FUT8: variants seen among roughly 807,000 people sequenced by gnomAD.
The protein encoded by FUT8 is fucosyltransferase 8.
In FUT8, 29 loss-of-function variants were observed where a neutral mutation model predicts 71.3. That is an observed-to-expected ratio of 0.41 (90% CI 0.30 to 0.55). The LOEUF is 0.55. Ranked by LOEUF, FUT8 falls within the 20% of genes least tolerant of loss-of-function variation. The pLI is 0.34. For synonymous variants in FUT8, 254 were observed against 239.3 expected (o/e 1.06, Z -0.57); for missense variants, 544 against 702.1 (o/e 0.77, Z 2.55).
rs562511715 is a variant in FUT8 at position 65,716,329 on chromosome 14, A to G, written c.836-5446A>G. ...GAGTGCATATATATTTATAATTATT[A>G]TATCTTCTTGATGAATTGATCCCTT... is the stretch of plus-strand genomic sequence containing the variant. On this transcript the variant is annotated intron_variant, in intron 7 of 10. Coordinates refer to ENST00000673929, the MANE Select transcript of FUT8 (RefSeq NM_001371533.1). Among the ~76,000 whole-genome samples, 3 of 146,170 alleles carry G rather than the reference A, an allele frequency of 2.1e-5. No individual in the cohort carries two copies. In the South Asian group the frequency reaches 6.4e-4, roughly 31 times the overall value.
At chr14:65,517,877 A>G (rs1324717481) in intron 2 of FUT8, among the ~76,000 whole-genome samples, 1 of 152,210 alleles carries the variant, frequency 6.6e-6, no homozygotes, top group Non-Finnish European at 1.5e-5. Context: ...TTATGATTCT[A>G]ATTTAATCCC....
intron 1 of FUT8, among the ~76,000 whole-genome samples, chr14:65,449,492 A>C (rs576176519): frequency 1.3e-5 from 2 of 152,338 alleles, no homozygotes; most frequent in South Asian, 4.1e-4. Flanking sequence ...TAGAATATCA[A>C]TATCAACACT....
At chr14:65,650,555 C>CT (rs1470037063) in intron 6 of FUT8, among the ~76,000 whole-genome samples, 1 of 151,664 alleles carries the variant, frequency 6.6e-6, no homozygotes, top group African/African-American at 2.4e-5. Flanking sequence ...GAGAAAAATA[C>CT]TAGCAGGGTG....
intron 3 of FUT8, among the ~76,000 whole-genome samples, chr14:65,610,022 CTAGAATATAGAAATG>C (rs1469949625): frequency 1.3e-5 from 2 of 151,254 alleles, no homozygotes; most frequent in African/African-American, 4.9e-5. Flanking sequence ...TTGTTTTTTG[CTAGAATATAGAAATG>C]TAGAATATAG....
chr14:65,471,393 C>T (rs1409458645), intron 2 of FUT8, among the ~76,000 whole-genome samples: 5 of 151,878 alleles, frequency 3.3e-5, no homozygotes, highest in Admixed American at 2.0e-4. Flanking sequence ...AAGTTCCTGG[C>T]GTATTTCAAA....
At chr14:65,611,207 GCGCGCGCGCGCGCGCGCACACA>G (rs1888900455) in intron 3 of FUT8, among the ~76,000 whole-genome samples, 3 of 2,876 alleles carry the variant, frequency 1.0e-3, no homozygotes, top group Admixed American at 6.4e-3. Flanking sequence ...ACGCGCGCGC[GCGCGCGCGCGCGCGCGCACACA>G]CACACACACA....
chr14:65,469,226 G>A (rs1404520306), intron 2 of FUT8, among the ~76,000 whole-genome samples: 7 of 152,056 alleles, frequency 4.6e-5, no homozygotes, highest in African/African-American at 1.7e-4. Context: ...ATAATTCCTG[G>A]TAAAAATTTC....
intron 7 of FUT8, among the ~76,000 whole-genome samples, chr14:65,693,510 A>T (rs941031086): frequency 5.3e-5 from 8 of 152,144 alleles, no homozygotes; most frequent in African/African-American, 1.9e-4. Context: ...CCGTGGAAAG[A>T]GAGGGAGAGG....
At position 65,652,314 on chromosome 14, in the gene FUT8, G is replaced by C. The variant is rs200334096; in HGVS notation, c.598-16929G>C. 1.3e-5 allele frequency among the ~76,000 whole-genome samples: 2 copies of C among 152,200 alleles called. No individual in the cohort carries two copies. Among genetic ancestry groups the C allele is most frequent in the East Asian group, 3.8e-4 (2 of 5,202 alleles). ...ATGCCCTCTGCTAGGATGGCTGTGC[G>C]ATTTGCTCCTGGTTGATTCAATATA... On this transcript the variant is annotated intron_variant, in intron 6 of 10. Transcript: ENST00000673929. The surrounding 1 kb of genome is among the most constrained non-coding windows in gnomAD (Gnocchi z 4.0).
At chr14:65,716,627 T>C (rs1187977091) in intron 7 of FUT8, among the ~76,000 whole-genome samples, 1 of 152,182 alleles carries the variant, frequency 6.6e-6, no homozygotes, top group Non-Finnish European at 1.5e-5. Flanking sequence ...CTATGTCTAC[T>C]TCTTTCTACA....
chr14:65,497,449 T>A (rs1321870611), intron 2 of FUT8, among the ~76,000 whole-genome samples: 2 of 152,222 alleles, frequency 1.3e-5, no homozygotes, highest in Non-Finnish European at 2.9e-5. Flanking sequence ...TGCAGTTTTA[T>A]AAGCTTAATC....
intron 6 of FUT8, among the ~76,000 whole-genome samples, chr14:65,637,883 T>G (rs1221423118): frequency 6.6e-6 from 1 of 152,128 alleles, no homozygotes; most frequent in African/African-American, 2.4e-5. Context: ...AGCTCCCTCC[T>G]AGGGGTGTTG....
the FUT8 span, among the ~76,000 whole-genome samples, chr14:65,361,872 A>T: frequency 7.2e-5 from 11 of 152,214 alleles, no homozygotes; most frequent in Non-Finnish European, 1.5e-4. Context: ...CCAAGAATCC[A>T]CTTTTAGTGG....
In FUT8 at chr14:65,483,508, G is replaced by C. The variant is rs1483651515; in HGVS notation, c.-228+27790G>C. ...GTAAATATTTGATTGGAATTGCATCGAATCTATAGATGAATTTGAGGGACA... is the reference window on the plus strand; with the variant it reads ...GTAAATATTTGATTGGAATTGCATCCAATCTATAGATGAATTTGAGGGACA... On this transcript the variant is annotated intron_variant, in intron 2 of 10. Transcript: ENST00000673929. This position sits in a 1 kb window ranked among gnomAD's most constrained non-coding sequence, Gnocchi z 4.4. Among the ~76,000 whole-genome samples the C allele has an allele frequency of 2.0e-5, 3 of 152,058 alleles. No homozygotes were observed. The highest frequency in any genetic ancestry group is 2.9e-5 in the Non-Finnish European group (2 of 68,006).
At chr14:65,600,431 T>C (rs1044764114) in intron 3 of FUT8, among the ~76,000 whole-genome samples, 1 of 152,150 alleles carries the variant, frequency 6.6e-6, no homozygotes, top group Non-Finnish European at 1.5e-5. Context: ...ATGTGCTAGG[T>C]ATAGAATAGT....
rs1163194207 is a variant in FUT8 at position 65,669,810 on chromosome 14, A to T, written c.835+330A>T. On this transcript the variant is annotated intron_variant, in intron 7 of 10. Coordinates refer to ENST00000673929, the MANE Select transcript of FUT8 (RefSeq NM_001371533.1). This position sits in a 1 kb window ranked among gnomAD's most constrained non-coding sequence, Gnocchi z 4.5. ...ATTGAACTCATTTTAATATGAAGTA[A>T]TCATCATATAAAGTAGTCCAGTTTA... Among the ~76,000 whole-genome samples the T allele has an allele frequency of 2.0e-5, 3 of 152,184 alleles. No homozygotes were observed. Among genetic ancestry groups the T allele is most frequent in the African/African-American group, 7.2e-5 (3 of 41,438 alleles).
In FUT8 at chr14:65,601,487, T is replaced by C. The variant is rs10083545; in HGVS notation, c.204-14491T>C. 3.2e-3 allele frequency among the ~76,000 whole-genome samples: 493 copies of C among 152,298 alleles called. 3 individuals are homozygous for C. The highest frequency in any genetic ancestry group is 0.011 in the African/African-American group (475 of 41,580). On this transcript the variant is annotated intron_variant, in intron 3 of 10. Transcript: ENST00000673929. ...TTATATTTAGAAGTGGTCCGAATTA[T>C]GTTAATCTTAGTAGTTTGTTGATAT...
At chr14:65,494,791 G>T (rs1189340011) in intron 2 of FUT8, among the ~76,000 whole-genome samples, 2 of 151,932 alleles carry the variant, frequency 1.3e-5, no homozygotes, top group Non-Finnish European at 2.9e-5. Context: ...AGAAAAAAAA[G>T]TAAGGTTCTG....
chr14:65,517,385 C>T (rs1436755681), intron 2 of FUT8, among the ~76,000 whole-genome samples: 2 of 152,072 alleles, frequency 1.3e-5, no homozygotes, highest in Non-Finnish European at 2.9e-5. Flanking sequence ...AAAGAATTTA[C>T]AGTCTAATAA....
Sources: gnomAD v4.1 joint callset for allele counts (sites outside exome capture counted in the v4.1 genomes callset) on GRCh38, gnomAD v4.1.1 for gene constraint, Gnocchi (gnomAD v3.1) non-coding constraint, MANE v1.5 for transcripts, NCBI Gene and HGNC (gene_info 2026-07-23, HGNC 2026-07-21) for gene names.